NDUFB6: variants seen among roughly 807,000 people sequenced by gnomAD.
The protein encoded by NDUFB6 is NADH dehydrogenase [ubiquinone] 1 beta subcomplex subunit 6.
Under a neutral mutation model 17.5 loss-of-function variants are expected in NDUFB6, and 23 were observed. That is an observed-to-expected ratio of 1.31 (90% confidence interval 0.94 to 1.86). The LOEUF is 1.86. Among genes scored for constraint, NDUFB6 ranks in the 40% most tolerant of loss-of-function variants. The pLI is 0.00. For synonymous variants in NDUFB6, 60 were observed against 53.5 expected, an observed-to-expected ratio of 1.12 and a Z score of -0.53; for missense variants, 167 against 153.8, an observed-to-expected ratio of 1.09 and a Z score of -0.46.
At chr9:32,571,889 A>C (rs1198217896) in intron 1 of NDUFB6, among the ~76,000 whole-genome samples, 2 of 152,228 alleles carry the variant, frequency 1.3e-5, no homozygotes, top group African/African-American at 2.4e-5. Context: ...ATCCAATATC[A>C]CTTTCTCAGA....
At chr9:32,559,050 A>G in intron 2 of NDUFB6, 96 bp from the exon 3 acceptor site, 1 of 765,870 alleles carries the variant, frequency 1.3e-6, no homozygotes, top group Non-Finnish European at 2.2e-6. Context: ...TTAAGCTCCA[A>G]ACTTTCACAG....
chr9:32,567,749 A>G (rs1821840641), intron 2 of NDUFB6: 1 of 320,768 alleles, frequency 3.1e-6, no homozygotes, highest in African/African-American at 2.2e-5. Flanking sequence ...AGTGAATTTA[A>G]TAAGTAAATG....
At chr9:32,568,676 T>A (rs982016207) in intron 2 of NDUFB6, 1 of 163,336 alleles carries the variant, frequency 6.1e-6, no homozygotes, top group Non-Finnish European at 1.5e-5. Context: ...GTACATATAC[T>A]TATATATGTA....
At chr9:32,564,696 C>T (rs1332501659) in intron 2 of NDUFB6, among the ~76,000 whole-genome samples, 1 of 152,176 alleles carries the variant, frequency 6.6e-6, no homozygotes, top group Non-Finnish European at 1.5e-5. Flanking sequence ...GCACTCACCA[C>T]CTGCACTGCT....
At chr9:32,568,198 T>C (rs1423716218) in intron 2 of NDUFB6, 1 of 168,678 alleles carries the variant, frequency 5.9e-6, no homozygotes, top group Non-Finnish European at 1.4e-5. Flanking sequence ...GAACAAGAGT[T>C]TGGAAGAAGT....
At chr9:32,563,825 T>C (rs1821699796) in intron 2 of NDUFB6, among the ~76,000 whole-genome samples, 1 of 152,248 alleles carries the variant, frequency 6.6e-6, no homozygotes, top group East Asian at 1.9e-4. Flanking sequence ...TCTATTACTA[T>C]CATTATTTAC....
At chr9:32,567,173 C>T (rs1234046590) in intron 2 of NDUFB6, 1 of 475,338 alleles carries the variant, frequency 2.1e-6, no homozygotes, top group Non-Finnish European at 4.4e-6. Flanking sequence ...GTGGCACCCG[C>T]TGGCCAGCTG....
intron 2 of NDUFB6, chr9:32,566,287 G>A (rs1311352964): frequency 1.7e-6 from 2 of 1,153,518 alleles, no homozygotes; most frequent in Non-Finnish European, 2.6e-6. Flanking sequence ...GTAGAAAGCA[G>A]GCCATAAAAA....
intron 2 of NDUFB6, among the ~76,000 whole-genome samples, chr9:32,569,367 C>T (rs1302055295): frequency 2.6e-5 from 4 of 152,004 alleles, no homozygotes; most frequent in Non-Finnish European, 4.4e-5. Context: ...TACAGGCGCC[C>T]GCCACCATGC....
At chr9:32,572,752 A>C in intron 1 of NDUFB6, 129 bp downstream of exon 1, 26 of 751,634 alleles carry the variant, frequency 3.5e-5, no homozygotes, top group Non-Finnish European at 5.1e-5. Flanking sequence ...GACTCTCGGG[A>C]CTGGCCAGTG....
intron 2 of NDUFB6, chr9:32,566,361 G>A: frequency 3.4e-6 from 4 of 1,182,944 alleles, no homozygotes; most frequent in Non-Finnish European, 5.1e-6. Flanking sequence ...AGGAATGATG[G>A]TGCGTTTTTG....
At chr9:32,572,117 TA>T (rs1821952454) in intron 1 of NDUFB6, among the ~76,000 whole-genome samples, 1 of 152,214 alleles carries the variant, frequency 6.6e-6, no homozygotes, top group Non-Finnish European at 1.5e-5. Context: ...AAACCCCCAG[TA>T]GAGTGCCAAG....
At chr9:32,567,234 G>T (rs943001152) in intron 2 of NDUFB6, 2 of 473,914 alleles carry the variant, frequency 4.2e-6, no homozygotes, top group South Asian at 3.1e-5. Context: ...GGTGTGCTCT[G>T]CAAAACTGGC....
chr9:32,567,367 C>T (rs1329628403), intron 2 of NDUFB6: 5 of 467,734 alleles, frequency 1.1e-5, no homozygotes, highest in South Asian at 3.1e-5. Context: ...GATGGAGTCT[C>T]GCTCTGTCAC....
intron 2 of NDUFB6, among the ~76,000 whole-genome samples, chr9:32,565,223 G>T (rs1186466624): frequency 6.6e-6 from 1 of 151,702 alleles, no homozygotes; most frequent in Admixed American, 6.6e-5. Context: ...AACCCAGGAG[G>T]CAGAGGTCGC....
chr9:32,568,066 G>A (rs2119032292), intron 2 of NDUFB6: 1 of 167,182 alleles, frequency 6.0e-6, no homozygotes, highest in South Asian at 2.1e-4. Flanking sequence ...AAAAAAAAAA[G>A]ATAGTGATTC....
Position 32,571,028 on chromosome 9 carries a change from T to C in NDUFB6, c.205A>G (p.Ile69Val), listed in dbSNP as rs776963376. ...KMVHGVYKKSIFVFTHVLVPV... is the reference protein window; with the variant it reads ...KMVHGVYKKSVFVFTHVLVPV... ...ACAAGTACATGAGTGAAAACAAAGA[T>C]ACTCTTTTTGTATACCCCATGGACC... The change falls in exon 2 of 4, where the codon ATC becomes GTC. Residue 69 changes from isoleucine to valine, a missense_variant. By Grantham distance (29) the Ile-to-Val change is conservative. Transcript: ENST00000379847. The C allele has an allele frequency of 3.7e-6, 6 of 1,604,694 alleles. No individual in the cohort carries two copies. In the South Asian group the frequency reaches 5.6e-5, roughly 15 times the overall value.
chr9:32,558,891 C>G lies in NDUFB6; in HGVS notation c.318+19G>C. 6.7e-7 allele frequency: 1 copy of G among 1,487,298 alleles called. No homozygotes were observed. Among genetic ancestry groups the G allele is most frequent in the South Asian group, 1.3e-5 (1 of 79,390 alleles). 92.1% of individuals were successfully genotyped at this position (1,487,298 alleles called of 1,614,324 possible). On this transcript the variant is annotated intron_variant, in intron 3 of 3. Transcript: ENST00000379847. ...GAAAAACAATAAACAAAAGAAAAAT[C>G]AGAAGTGTTAAGACTTACAGGGAAT...
chr9:32,570,049 T>C (rs1326016073), intron 2 of NDUFB6, among the ~76,000 whole-genome samples: 1 of 152,122 alleles, frequency 6.6e-6, no homozygotes, highest in Non-Finnish European at 1.5e-5. Context: ...TCTCCCTATA[T>C]ATAACCCATC....
Sources: gnomAD v4.1 joint callset for allele counts (sites outside exome capture counted in the v4.1 genomes callset) on GRCh38, gnomAD v4.1.1 for gene constraint, MANE v1.5 for transcripts, NCBI Gene and HGNC (gene_info 2026-07-23, HGNC 2026-07-21) for gene names.